KSR2: variants seen among roughly 807,000 people sequenced by gnomAD.
KSR2 encodes kinase suppressor of ras 2.
KSR2 carries 25 observed loss-of-function variants against 107.8 expected under a neutral mutation model. The ratio of observed to expected loss-of-function variants is 0.23; its 90% CI spans 0.17 to 0.32. KSR2 has a LOEUF of 0.32. Among genes scored for constraint, KSR2 ranks in the 10% least tolerant of loss-of-function variants. The probability of loss-of-function intolerance (pLI) is 1.00; values close to 1 mark genes in which losing one functional copy is unlikely to be tolerated. For missense variants in KSR2, 887 were observed against 1,268.9 expected (o/e 0.70, Z 4.57); for synonymous variants, 480 against 507.0 (o/e 0.95, Z 0.71).
At chr12:117,879,652 G>C (rs1893965514) in intron 1 of KSR2, among the ~76,000 whole-genome samples, 1 of 152,254 alleles carries the variant, frequency 6.6e-6, no homozygotes, top group Admixed American at 6.5e-5. Context: ...AGGAGGTGGA[G>C]GCTGCAGTGA....
At chr12:117,926,184 T>C in intron 1 of KSR2, among the ~76,000 whole-genome samples, 1 of 151,966 alleles carries the variant, frequency 6.6e-6, no homozygotes. Flanking sequence ...TGTGATAGAG[T>C]GAGACTCCGT....
At chr12:117,792,726 G>C (rs984566816) in intron 3 of KSR2, among the ~76,000 whole-genome samples, 4 of 152,118 alleles carry the variant, frequency 2.6e-5, no homozygotes, top group African/African-American at 9.7e-5. Flanking sequence ...TCCAGACCTG[G>C]GATATGTCAT....
rs1047736686 is a variant in KSR2 at position 117,696,180 on chromosome 12, G to A, written c.987-28522C>T. Among the ~76,000 whole-genome samples the A allele has an allele frequency of 1.4e-4, 21 of 152,266 alleles. No homozygotes were observed. In the Middle Eastern group the frequency reaches 0.01, roughly 74 times the overall value. Reference sequence around the variant, plus strand: ...TAAAACTCCGGCCCACTGAAGTACAGCTCAAAGCCACCTGCCACCTGCCAC... The same window carrying A: ...TAAAACTCCGGCCCACTGAAGTACAACTCAAAGCCACCTGCCACCTGCCAC... On this transcript the variant is annotated intron_variant, in intron 4 of 19. Coordinates refer to ENST00000339824, the MANE Select transcript of KSR2 (RefSeq NM_173598.6).
At chr12:117,638,144 A>G (rs1431492622) in intron 5 of KSR2, among the ~76,000 whole-genome samples, 2 of 132,990 alleles carry the variant, frequency 1.5e-5, no homozygotes, top group Admixed American at 1.7e-4. Flanking sequence ...ATTTTTGCCT[A>G]AGTGTTATTT....
intron 14 of KSR2, among the ~76,000 whole-genome samples, chr12:117,504,203 C>T (rs558513786): frequency 7.2e-5 from 11 of 152,168 alleles, no homozygotes; most frequent in Admixed American, 4.6e-4. Flanking sequence ...GGTTCTGTGC[C>T]CCAAAAGTTG....
chr12:117,601,295 TG>T (rs5801243), intron 5 of KSR2, among the ~76,000 whole-genome samples: 76,331 of 134,344 alleles, frequency 0.57, 21,788 homozygotes, highest in East Asian at 0.84. Context: ...TCCAAGATCT[TG>T]GGGGGGGGGG....
At chr12:117,722,382 C>T (rs1471286410) in intron 4 of KSR2, among the ~76,000 whole-genome samples, 6 of 152,090 alleles carry the variant, frequency 3.9e-5, no homozygotes, top group Non-Finnish European at 7.4e-5. Context: ...GCGGCATTCC[C>T]GGACAGCTAA....
chr12:117,885,818 G>A (rs971799880), intron 1 of KSR2, among the ~76,000 whole-genome samples: 23 of 151,884 alleles, frequency 1.5e-4, no homozygotes, highest in Admixed American at 9.8e-4. Context: ...AAACCTGGCC[G>A]GGCGCGGTGG....
intron 5 of KSR2, among the ~76,000 whole-genome samples, chr12:117,594,777 A>G (rs1880535583): frequency 6.6e-6 from 1 of 152,196 alleles, no homozygotes; most frequent in Admixed American, 6.5e-5. Flanking sequence ...ACAGTTCTCA[A>G]TCGTGAGCCC....
chr12:117,781,948 G>C (rs942193275), intron 3 of KSR2, among the ~76,000 whole-genome samples: 13 of 152,158 alleles, frequency 8.5e-5, no homozygotes, highest in Admixed American at 7.9e-4. Context: ...AAAAATCATC[G>C]GGTAAAGTGG....
chr12:117,795,847 G>A (rs1171777380), intron 3 of KSR2, among the ~76,000 whole-genome samples: 1 of 152,092 alleles, frequency 6.6e-6, no homozygotes, highest in Non-Finnish European at 1.5e-5. Context: ...CTGGGCTCAA[G>A]TGATCCTCCT....
chr12:117,527,944 G>A (rs1313139589), intron 12 of KSR2, among the ~76,000 whole-genome samples: 1 of 137,528 alleles, frequency 7.3e-6, no homozygotes, highest in Non-Finnish European at 1.5e-5. Flanking sequence ...TGAGCTGGAA[G>A]ACACAAGTGT....
rs529344165 is a variant in KSR2 at position 117,741,960 on chromosome 12, G to A, written c.986+19051C>T. ...CTTATGAATTTCAACTGGTGAGAGAGTAACTGGACAGTGAAGAGATGTGGC... is the reference window on the plus strand; with the variant it reads ...CTTATGAATTTCAACTGGTGAGAGAATAACTGGACAGTGAAGAGATGTGGC... On this transcript the variant is annotated intron_variant, in intron 4 of 19. Transcript: ENST00000339824. 1.3e-3 allele frequency among the ~76,000 whole-genome samples: 203 copies of A among 152,322 alleles called. 1 individual carries two copies. Among genetic ancestry groups the A allele is most frequent in the African/African-American group, 4.5e-3 (187 of 41,576 alleles).
intron 5 of KSR2, among the ~76,000 whole-genome samples, chr12:117,612,009 T>C (rs371173067): frequency 3.9e-5 from 6 of 152,116 alleles, no homozygotes; most frequent in Admixed American, 2.0e-4. Context: ...AGAGTTTCAG[T>C]TGGGAAAGAT....
chr12:117,689,102 A>G (rs1410932740), intron 4 of KSR2, among the ~76,000 whole-genome samples: 4 of 152,200 alleles, frequency 2.6e-5, no homozygotes, highest in Non-Finnish European at 5.9e-5. Context: ...ATACCAACAT[A>G]CAATGAATAT....
chr12:117,818,003 A>G (rs1164605404), intron 3 of KSR2, among the ~76,000 whole-genome samples: 1 of 152,174 alleles, frequency 6.6e-6, no homozygotes, highest in African/African-American at 2.4e-5. Context: ...TGGGAGACTG[A>G]GGCAGGAGAA....
At chr12:117,664,320 C>T (rs1679429361) in intron 5 of KSR2, among the ~76,000 whole-genome samples, 3 of 152,146 alleles carry the variant, frequency 2.0e-5, no homozygotes, top group Non-Finnish European at 4.4e-5. Flanking sequence ...CATGGGGTAA[C>T]AAGATGACGT....
Position 117,703,773 on chromosome 12 carries a change from T to G in KSR2, c.987-36115A>C, listed in dbSNP as rs545387324. ...ATACCAATCTCTTCCAGACCTGCTCTGCCGGGGCATACGTCCTCCCAATCA... is the reference window on the plus strand; with the variant it reads ...ATACCAATCTCTTCCAGACCTGCTCGGCCGGGGCATACGTCCTCCCAATCA... On this transcript the variant is annotated intron_variant, in intron 4 of 19. Coordinates refer to ENST00000339824, the MANE Select transcript of KSR2 (RefSeq NM_173598.6). Among the ~76,000 whole-genome samples the G allele has an allele frequency of 6.6e-5, 10 of 152,298 alleles. No homozygotes were observed. The South Asian group carries it at 1.9e-3, about 28-fold the overall frequency.
intron 1 of KSR2, among the ~76,000 whole-genome samples, chr12:117,885,066 G>A (rs1230391593): frequency 6.6e-6 from 1 of 152,130 alleles, no homozygotes; most frequent in Non-Finnish European, 1.5e-5. Flanking sequence ...ACCCACCGGG[G>A]CCTCAGTTTC....
Sources: gnomAD v4.1 joint callset for allele counts (sites outside exome capture counted in the v4.1 genomes callset) on GRCh38, gnomAD v4.1.1 for gene constraint, MANE v1.5 for transcripts, NCBI Gene and HGNC (gene_info 2026-07-23, HGNC 2026-07-21) for gene names.